Variants in ERI1 observed in about 807,000 individuals in gnomAD.
ERI1 encodes exoribonuclease 1.
ERI1 carries 39 observed loss-of-function variants against 39.7 expected under a neutral mutation model. The observed-to-expected ratio is 0.98, with a 90% CI of 0.76 to 1.28. ERI1 has a LOEUF of 1.28. Among genes scored for constraint, ERI1 ranks in the 50% most tolerant of loss-of-function variants. ERI1 has a pLI of 0.00. For missense variants in ERI1, 581 were observed against 416.9 expected, an observed-to-expected ratio of 1.39 and a Z score of -3.43; for synonymous variants, 204 against 149.6, an observed-to-expected ratio of 1.36 and a Z score of -2.65.
At position 9,085,646 on chromosome 8, in the gene ERI1, A is replaced by G. The variant is rs147321416; in HGVS notation, n.300-30702A>G. 1.7e-3 allele frequency among the ~76,000 whole-genome samples: 266 copies of G among 152,044 alleles called. 2 individuals are homozygous for G. Among genetic ancestry groups the G allele is most frequent in the African/African-American group, 5.9e-3 (244 of 41,492 alleles). On this transcript the variant is annotated intron_variant and non_coding_transcript_variant, in intron 3 of 3. Transcript: ENST00000518663. ...AAGACTGTAATGGCCCACAAAGCCTACAGTATTTACTATCTGGCCCTTAAC... is the reference window on the plus strand; with the variant it reads ...AAGACTGTAATGGCCCACAAAGCCTGCAGTATTTACTATCTGGCCCTTAAC...
chr8:9,005,373 G>T (rs1317688319), intron 1 of ERI1, among the ~76,000 whole-genome samples: 1 of 152,032 alleles, frequency 6.6e-6, no homozygotes, highest in Non-Finnish European at 1.5e-5. Flanking sequence ...TGCAACAACA[G>T]ATTGTGTTCC....
chr8:9,021,644 C>A (rs1030638324), intron 6 of ERI1, among the ~76,000 whole-genome samples: 1 of 152,030 alleles, frequency 6.6e-6, no homozygotes, highest in African/African-American at 2.4e-5. Flanking sequence ...TTCTTCCTTT[C>A]ATGGTAATCA....
At chr8:9,099,120 C>A (rs922577184) in intron 3 of ERI1, among the ~76,000 whole-genome samples, 13 of 151,848 alleles carry the variant, frequency 8.6e-5, no homozygotes, top group African/African-American at 2.9e-4. Flanking sequence ...CAGGCATGAG[C>A]CACCACACCC....
At chr8:9,054,757 T>C (rs1018609203) in intron 3 of ERI1, among the ~76,000 whole-genome samples, 1 of 152,164 alleles carries the variant, frequency 6.6e-6, no homozygotes, top group Non-Finnish European at 1.5e-5. Flanking sequence ...AAACCCCATT[T>C]CTACTAAAAA....
chr8:9,041,316 A>G (rs140040416), intron 3 of ERI1, among the ~76,000 whole-genome samples: 3 of 152,276 alleles, frequency 2.0e-5, no homozygotes, highest in African/African-American at 7.2e-5. Flanking sequence ...TTCTCCCAAG[A>G]GAGAATACAA....
intron 3 of ERI1, among the ~76,000 whole-genome samples, chr8:9,082,922 A>T (rs1163372233): frequency 6.6e-6 from 1 of 152,204 alleles, no homozygotes; most frequent in Non-Finnish European, 1.5e-5. Flanking sequence ...TGTAAGTCAT[A>T]AAAGTAGGGT....
At chr8:9,099,199 A>G (rs772809072) in intron 3 of ERI1, among the ~76,000 whole-genome samples, 3 of 152,174 alleles carry the variant, frequency 2.0e-5, no homozygotes, top group Non-Finnish European at 4.4e-5. Flanking sequence ...TGATGAGCAT[A>G]TCCATCCAAC....
At chr8:9,035,374 G>C (rs184441967), downstream of ERI1, among the ~76,000 whole-genome samples, 44 of 152,250 alleles carry the variant, frequency 2.9e-4, 1 homozygote, top group Admixed American at 2.3e-3. Context: ...TGTTGTTAAG[G>C]GCTAATGTAG....
intron 3 of ERI1, among the ~76,000 whole-genome samples, chr8:9,075,007 C>T (rs529127327): frequency 2.0e-5 from 3 of 152,198 alleles, no homozygotes; most frequent in East Asian, 1.9e-4. Flanking sequence ...CCTCTGGTCC[C>T]GTGGAAGCCC....
At chr8:9,040,610 G>A (rs879393050) in intron 3 of ERI1, among the ~76,000 whole-genome samples, 1 of 152,132 alleles carries the variant, frequency 6.6e-6, no homozygotes, top group Non-Finnish European at 1.5e-5. Flanking sequence ...CCCTTAGAAG[G>A]TTTCAAGGTG....
In ERI1 at chr8:9,029,870, C is replaced by A. The variant is rs889717935; in HGVS notation, c.886C>A (p.Leu296Ile). 6.2e-7 allele frequency: 1 copy of A among 1,614,054 alleles called. No homozygotes were observed. The highest frequency in any genetic ancestry group is 2.2e-5 in the East Asian group (1 of 44,896). The change falls in exon 7 of 7, where the codon CTT becomes ATT. Residue 296 changes from leucine (L) to isoleucine (I), a missense_variant. By Grantham distance (5) the Leu-to-Ile change is conservative. Transcript: ENST00000250263. ...MDYDGRPHCG[L>I]DDSKNIARIA... Reference sequence around the variant, plus strand: ...TTATGATGGGCGGCCTCACTGTGGTCTTGATGACTCTAAGAATATCGCCCG... The same window carrying A: ...TTATGATGGGCGGCCTCACTGTGGTATTGATGACTCTAAGAATATCGCCCG...
rs184887072 is a variant in ERI1, at chr8:9,074,494, T to C, written n.300-41854T>C. Reference sequence around the variant, plus strand: ...TCTTGCTCTGTCACCCAGGCTGGAGTGCAGTGGCAAGAACATGGCTCACTG... The same window carrying C: ...TCTTGCTCTGTCACCCAGGCTGGAGCGCAGTGGCAAGAACATGGCTCACTG... On this transcript the variant is annotated intron_variant and non_coding_transcript_variant, in intron 3 of 3. Coordinates refer to the ERI1 transcript ENST00000518663. Among the ~76,000 whole-genome samples, 13 of 152,296 alleles carry C rather than the reference T, an allele frequency of 8.5e-5. No homozygotes were observed. In the East Asian group the frequency reaches 2.5e-3, roughly 29 times the overall value.
Position 9,032,543 on chromosome 8 carries a change from T to A in ERI1, c.*2509T>A, listed in dbSNP as rs1210904072. ...TTGAGATAGATCCATTTATCCTGCC[T>A]CCTAGGGAGAAGTTTCTGCCTGGAT... On this transcript the variant is annotated 3_prime_UTR_variant, in exon 7 of 7. Coordinates refer to ENST00000250263, the MANE Select transcript of ERI1 (RefSeq NM_153332.4). The A allele has an allele frequency of 1.3e-5, 2 of 152,170 alleles. No homozygotes were observed. Among genetic ancestry groups the A allele is most frequent in the African/African-American group, 4.8e-5 (2 of 41,434 alleles). The allele number at this position is 152,170 out of a possible 1,614,324, so 9.4% of individuals were successfully genotyped here.
intron 3 of ERI1, among the ~76,000 whole-genome samples, chr8:9,071,103 C>T (rs542253900): frequency 9.2e-5 from 14 of 152,326 alleles, no homozygotes; most frequent in African/African-American, 3.1e-4. Context: ...GGAAAGAGAA[C>T]TGTTGCTAAG....
chr8:9,090,271 TG>T (rs1799664512), intron 3 of ERI1, among the ~76,000 whole-genome samples: 1 of 151,188 alleles, frequency 6.6e-6, no homozygotes, highest in African/African-American at 2.4e-5. Flanking sequence ...AGAAGGGGTG[TG>T]GTGAGCTCAG....
chr8:9,097,895 A>G (rs1799927850), intron 3 of ERI1, among the ~76,000 whole-genome samples: 1 of 152,226 alleles, frequency 6.6e-6, no homozygotes, highest in South Asian at 2.1e-4. Flanking sequence ...TAGTGGATAA[A>G]GAAATTATGG....
At chr8:9,088,827 T>A (rs1287102823) in intron 3 of ERI1, among the ~76,000 whole-genome samples, 1 of 152,226 alleles carries the variant, frequency 6.6e-6, no homozygotes, top group African/African-American at 2.4e-5. Context: ...CTGGAGGGTT[T>A]AACCAGGGAG....
chr8:9,061,686 G>A (rs1405518496), intron 3 of ERI1, among the ~76,000 whole-genome samples: 1 of 152,196 alleles, frequency 6.6e-6, no homozygotes, highest in Non-Finnish European at 1.5e-5. Context: ...AGGTTTGGGA[G>A]ATTAGCCAGA....
At chr8:9,087,047 T>A (rs568375752) in intron 3 of ERI1, among the ~76,000 whole-genome samples, 10 of 152,034 alleles carry the variant, frequency 6.6e-5, no homozygotes, top group Admixed American at 5.2e-4. Context: ...GTTTTTTGAA[T>A]TTTACTTTAA....
Sources: gnomAD v4.1 joint callset for allele counts (sites outside exome capture counted in the v4.1 genomes callset) on GRCh38, gnomAD v4.1.1 for gene constraint, MANE v1.5 for transcripts, NCBI Gene and HGNC (gene_info 2026-07-23, HGNC 2026-07-21) for gene names.